SLC25A21: variants seen among roughly 807,000 people sequenced by gnomAD.
The protein encoded by SLC25A21 is mitochondrial 2-oxodicarboxylate carrier.
In SLC25A21, 47 loss-of-function variants were observed where a neutral mutation model predicts 43.8. The observed-to-expected ratio is 1.07, with a 90% CI of 0.85 to 1.37. The LOEUF is 1.37. Ranked by LOEUF, SLC25A21 falls within the 40% of genes most tolerant of loss-of-function variation. The pLI is 0.00. For synonymous variants in SLC25A21, 131 were observed against 121.3 expected, an observed-to-expected ratio of 1.08 and a Z score of -0.52; for missense variants, 352 against 350.2, an observed-to-expected ratio of 1.00 and a Z score of -0.04.
intron 1 of SLC25A21, among the ~76,000 whole-genome samples, chr14:37,003,748 T>C (rs1285010961): frequency 6.6e-6 from 1 of 152,230 alleles, no homozygotes; most frequent in Non-Finnish European, 1.5e-5. Flanking sequence ...CTCAGGCTTC[T>C]TAAATGAAGT....
At chr14:37,139,435 A>C (rs1963535422) in intron 1 of SLC25A21, among the ~76,000 whole-genome samples, 1 of 152,146 alleles carries the variant, frequency 6.6e-6, no homozygotes, top group South Asian at 2.1e-4. Flanking sequence ...TTGCTGCATA[A>C]CAATGCTTAT....
chr14:36,889,255 C>T (rs1891011898), intron 1 of SLC25A21, among the ~76,000 whole-genome samples: 1 of 152,186 alleles, frequency 6.6e-6, no homozygotes. Context: ...CACAAGATTT[C>T]TACTAGGTGT....
chr14:36,813,841 G>A (rs995633977), intron 3 of SLC25A21, 77 bp downstream of exon 3: 3 of 1,106,206 alleles, frequency 2.7e-6, no homozygotes, highest in African/African-American at 3.2e-5. Context: ...AGTAAGACTA[G>A]GAAAATAAAC....
At chr14:36,865,904 C>G (rs1392087154) in intron 2 of SLC25A21, among the ~76,000 whole-genome samples, 1 of 127,480 alleles carries the variant, frequency 7.8e-6, no homozygotes, top group Non-Finnish European at 1.8e-5. Flanking sequence ...CAGAATTCAC[C>G]CAGTGATTAA....
intron 7 of SLC25A21, among the ~76,000 whole-genome samples, chr14:36,700,712 G>A (rs1163446476): frequency 6.6e-6 from 1 of 152,206 alleles, no homozygotes; most frequent in Non-Finnish European, 1.5e-5. Context: ...CTCCTCTTGT[G>A]TATTTACTGA....
intron 1 of SLC25A21, among the ~76,000 whole-genome samples, chr14:36,935,952 T>C (rs546236761): frequency 1.3e-5 from 2 of 152,286 alleles, no homozygotes; most frequent in African/African-American, 4.8e-5. Flanking sequence ...CTATTTGGTT[T>C]GAATGTCAAG....
intron 1 of SLC25A21, among the ~76,000 whole-genome samples, chr14:36,969,508 A>C (rs1201402454): frequency 6.6e-6 from 1 of 152,088 alleles, no homozygotes; most frequent in Non-Finnish European, 1.5e-5. Context: ...ATTTTTTTAG[A>C]GACAGGGTCT....
chr14:36,762,617 T>C (rs534413706), intron 3 of SLC25A21, among the ~76,000 whole-genome samples: 1 of 152,382 alleles, frequency 6.6e-6, no homozygotes, highest in Non-Finnish European at 1.5e-5. Flanking sequence ...AATGTGGCTA[T>C]CAAGCATTTA....
intron 1 of SLC25A21, among the ~76,000 whole-genome samples, chr14:37,069,222 G>A (rs192144538): frequency 2.0e-5 from 3 of 152,014 alleles, no homozygotes; most frequent in African/African-American, 7.2e-5. Context: ...TACTGTTTAT[G>A]ACACTGAAAC....
intron 2 of SLC25A21, among the ~76,000 whole-genome samples, chr14:36,834,938 A>C (rs1156916363): frequency 6.6e-6 from 1 of 152,232 alleles, no homozygotes; most frequent in Non-Finnish European, 1.5e-5. Flanking sequence ...TCATCCCACC[A>C]TGTTGGGTTT....
At chr14:36,809,557 CAT>C (rs1888160876) in intron 3 of SLC25A21, among the ~76,000 whole-genome samples, 1 of 152,068 alleles carries the variant, frequency 6.6e-6, no homozygotes, top group Non-Finnish European at 1.5e-5. Context: ...GATTTGGACT[CAT>C]GTGGTTGAGC....
intron 1 of SLC25A21, among the ~76,000 whole-genome samples, chr14:36,881,729 A>G (rs1272678169): frequency 6.6e-6 from 1 of 152,182 alleles, no homozygotes; most frequent in Admixed American, 6.5e-5. Flanking sequence ...AAAATGTAGA[A>G]TGCTGATGTC....
intron 1 of SLC25A21, among the ~76,000 whole-genome samples, chr14:37,069,227 T>C (rs563911750): frequency 6.6e-6 from 1 of 152,240 alleles, no homozygotes; most frequent in East Asian, 1.9e-4. Flanking sequence ...TTTATGACAC[T>C]GAAACATACG....
intron 2 of SLC25A21, among the ~76,000 whole-genome samples, chr14:36,862,203 A>G (rs796247683): frequency 2.8e-4 from 43 of 152,342 alleles, no homozygotes; most frequent in African/African-American, 8.4e-4. Flanking sequence ...CAGTGTGGCA[A>G]TTCCTCAAGG....
intron 3 of SLC25A21, among the ~76,000 whole-genome samples, chr14:36,752,638 G>C (rs1046751561): frequency 1.3e-5 from 2 of 152,170 alleles, no homozygotes; most frequent in Admixed American, 6.5e-5. Flanking sequence ...AAAAAGACAA[G>C]TACTGTATTG....
intron 1 of SLC25A21, among the ~76,000 whole-genome samples, chr14:37,037,116 T>TG (rs1365390327): frequency 6.6e-6 from 1 of 152,146 alleles, no homozygotes; most frequent in Non-Finnish European, 1.5e-5. Flanking sequence ...GGGGCGGGTG[T>TG]GGGGGGACCC....
At chr14:36,941,470 T>C (rs1360056317) in intron 1 of SLC25A21, among the ~76,000 whole-genome samples, 2 of 152,050 alleles carry the variant, frequency 1.3e-5, no homozygotes, top group African/African-American at 4.8e-5. Context: ...AAATTATATT[T>C]ATATAATTTT....
intron 1 of SLC25A21, among the ~76,000 whole-genome samples, chr14:37,137,078 G>A (rs1316292040): frequency 6.6e-6 from 1 of 152,170 alleles, no homozygotes; most frequent in Non-Finnish European, 1.5e-5. Flanking sequence ...TCGGCTCACT[G>A]CAAGCTCCGC....
chr14:37,062,712 C>A (rs1961975185), intron 1 of SLC25A21, among the ~76,000 whole-genome samples: 1 of 151,978 alleles, frequency 6.6e-6, no homozygotes, highest in African/African-American at 2.4e-5. Context: ...AGGGGAGTGA[C>A]CCTTGGGAAA....
Sources: allele counts gnomAD v4.1 joint callset (sites outside exome capture counted in the v4.1 genomes callset), GRCh38; gene constraint gnomAD v4.1.1; transcripts MANE v1.5; gene names NCBI Gene and HGNC (gene_info 2026-07-23, HGNC 2026-07-21).